Variants in CLIP4 observed in about 807,000 individuals in gnomAD.
CLIP4 encodes CAP-Gly domain containing linker protein family member 4, also known as CAP-Gly domain-containing linker protein 4.
Under a neutral mutation model 73.1 loss-of-function variants are expected in CLIP4, and 47 were observed. That is an observed-to-expected ratio of 0.64 (90% CI 0.51 to 0.82). The LOEUF (loss-of-function observed/expected upper bound fraction) is 0.82, where lower values mean the gene tolerates loss of function less well. Among genes scored for constraint, CLIP4 ranks in the 40% least tolerant of loss-of-function variants. The pLI, the probability that CLIP4 is intolerant of heterozygous loss-of-function variation, is 0.00. For synonymous variants in CLIP4, 306 were observed against 295.4 expected (o/e 1.04, Z -0.37); for missense variants, 874 against 852.9 (o/e 1.02, Z -0.31).
At chr2:29,157,057 T>G in intron 10 of CLIP4, 147 bp from the exon 11 acceptor site, 1 of 658,586 alleles carries the variant, frequency 1.5e-6, no homozygotes, top group Non-Finnish European at 2.7e-6. Flanking sequence ...AATTGCTATT[T>G]GGATGAAATT....
At chr2:29,116,973 A>T (rs1203490447) in intron 1 of CLIP4, among the ~76,000 whole-genome samples, 1 of 152,176 alleles carries the variant, frequency 6.6e-6, no homozygotes, top group African/African-American at 2.4e-5. Flanking sequence ...AGATTATATA[A>T]AATCAACTTC....
Position 29,181,888 on chromosome 2 carries a change from T to C in CLIP4, c.2113T>C (p.Cys705Arg), listed in dbSNP as rs1373585709. ...INGSKLVDEN[C>R] ...TGGGTCAAAACTTGTGGATGAGAATTGTTAAGCTTCTAAAATATTAAATAA... is the reference window on the plus strand; with the variant it reads ...TGGGTCAAAACTTGTGGATGAGAATCGTTAAGCTTCTAAAATATTAAATAA... The change falls in exon 16 of 16, where the codon TGT (cysteine) becomes CGT (arginine). Residue 705 changes from cysteine to arginine, a missense_variant. Physicochemically the swap from Cys to Arg is radical, Grantham distance 180. Coordinates refer to ENST00000320081, the MANE Select transcript of CLIP4 (RefSeq NM_024692.6). The C allele has an allele frequency of 1.3e-6, 2 of 1,596,912 alleles. No individual in the cohort carries two copies. Among genetic ancestry groups the C allele is most frequent in the Non-Finnish European group, 1.7e-6 (2 of 1,169,662 alleles).
chr2:29,102,837 G>A (rs754234213), intron 1 of CLIP4, among the ~76,000 whole-genome samples: 2 of 152,234 alleles, frequency 1.3e-5, no homozygotes, highest in South Asian at 4.1e-4. Flanking sequence ...TGTTGGCCAG[G>A]CTGGTCACGA....
chr2:29,101,433 T>C (rs1200042249), intron 1 of CLIP4, among the ~76,000 whole-genome samples: 1 of 151,936 alleles, frequency 6.6e-6, no homozygotes, highest in East Asian at 1.9e-4. Flanking sequence ...AAATGGAGTC[T>C]AATGTTCAAG....
chr2:29,102,652 G>C (rs576641605), intron 1 of CLIP4, among the ~76,000 whole-genome samples: 2 of 150,734 alleles, frequency 1.3e-5, no homozygotes, highest in African/African-American at 2.4e-5. Flanking sequence ...TTGAGACAGA[G>C]TCTCACTCTG....
At chr2:29,139,997 T>C (rs998911200) in intron 6 of CLIP4, among the ~76,000 whole-genome samples, 5 of 152,120 alleles carry the variant, frequency 3.3e-5, no homozygotes, top group African/African-American at 1.2e-4. Context: ...CCAATTTTAG[T>C]TATTTTTTTG....
chr2:29,103,257 ATTAT>A (rs1309804087), intron 1 of CLIP4, among the ~76,000 whole-genome samples: 3 of 152,026 alleles, frequency 2.0e-5, no homozygotes, highest in African/African-American at 7.2e-5. Context: ...AAAATTACTT[ATTAT>A]TTATATAAAA....
chr2:29,148,637 T>C (rs1413011752), intron 8 of CLIP4, among the ~76,000 whole-genome samples: 1 of 152,216 alleles, frequency 6.6e-6, no homozygotes, highest in Non-Finnish European at 1.5e-5. Context: ...TTTAGCTGTA[T>C]TGTCTGATAT....
At chr2:29,177,529 C>CTAGATT (rs1668415709) in intron 15 of CLIP4, among the ~76,000 whole-genome samples, 1 of 151,772 alleles carries the variant, frequency 6.6e-6, no homozygotes, top group Non-Finnish European at 1.5e-5. Flanking sequence ...TGCAGTGAGC[C>CTAGATT]TAGATTGCTC....
At chr2:29,105,177 C>T (rs1011637717) in intron 1 of CLIP4, among the ~76,000 whole-genome samples, 2 of 152,148 alleles carry the variant, frequency 1.3e-5, no homozygotes, top group African/African-American at 2.4e-5. Context: ...GTGTGGCTAA[C>T]TTGTCTCAAC....
At chr2:29,162,504 A>G (rs1315060651) in intron 12 of CLIP4, among the ~76,000 whole-genome samples, 1 of 152,206 alleles carries the variant, frequency 6.6e-6, no homozygotes, top group Non-Finnish European at 1.5e-5. Flanking sequence ...TTTATTGTTA[A>G]CACTTGTCAT....
At chr2:29,104,674 G>A (rs1668150381) in intron 1 of CLIP4, among the ~76,000 whole-genome samples, 1 of 151,474 alleles carries the variant, frequency 6.6e-6, no homozygotes, top group African/African-American at 2.5e-5. Context: ...TGAGACCTGA[G>A]TATGACGAAG....
At chr2:29,128,235 C>T (rs984540814) in intron 2 of CLIP4, among the ~76,000 whole-genome samples, 4 of 148,636 alleles carry the variant, frequency 2.7e-5, no homozygotes, top group African/African-American at 7.4e-5. Flanking sequence ...TTCTAGGGGC[C>T]GTTGAAAAAT....
In CLIP4 at chr2:29,119,555, C is replaced by T. The variant is rs149319586; in HGVS notation, c.-15-1819C>T. 2.0e-5 allele frequency among the ~76,000 whole-genome samples: 3 copies of T among 152,196 alleles called. No homozygotes were observed. The East Asian group carries it at 5.8e-4, about 29-fold the overall frequency. The stretch of plus-strand genomic sequence containing the variant: ...CGTGATTATAGTCAGATTAATTTTC[C>T]TAAAACAGCTTTAATCATGTTACTC... On this transcript the variant is annotated intron_variant, in intron 1 of 15. Coordinates refer to ENST00000320081, the MANE Select transcript of CLIP4 (RefSeq NM_024692.6).
chr2:29,098,798 C>G (rs755147488), intron 1 of CLIP4, among the ~76,000 whole-genome samples: 1 of 152,196 alleles, frequency 6.6e-6, no homozygotes, highest in Non-Finnish European at 1.5e-5. Context: ...TGATGTTCCA[C>G]AGAGGACTTA....
At chr2:29,130,807 A>C in intron 2 of CLIP4, 1 of 1,288,736 alleles carries the variant, frequency 7.8e-7, no homozygotes, top group Non-Finnish European at 1.0e-6. Context: ...GAAAATATAT[A>C]AATGCAAAGA....
At chr2:29,137,812 T>A (rs1572925094) in intron 6 of CLIP4, among the ~76,000 whole-genome samples, 1 of 152,210 alleles carries the variant, frequency 6.6e-6, no homozygotes, top group Non-Finnish European at 1.5e-5. Context: ...CTTGTATGTC[T>A]TCTTTTGAGA....
At chr2:29,125,400 G>C (rs180702459) in intron 2 of CLIP4, among the ~76,000 whole-genome samples, 1 of 152,226 alleles carries the variant, frequency 6.6e-6, no homozygotes, top group Admixed American at 6.5e-5. Context: ...CCCTGCACAG[G>C]TCTCTGGGTT....
chr2:29,128,604 G>A (rs763834201), intron 2 of CLIP4, among the ~76,000 whole-genome samples: 6 of 152,100 alleles, frequency 3.9e-5, no homozygotes, highest in Non-Finnish European at 7.4e-5. Flanking sequence ...CCCATCAAGA[G>A]CAGGCCCATA....
Sources: allele counts gnomAD v4.1 joint callset (sites outside exome capture counted in the v4.1 genomes callset), GRCh38; gene constraint gnomAD v4.1.1; transcripts MANE v1.5; gene names NCBI Gene and HGNC (gene_info 2026-07-23, HGNC 2026-07-21).